Variants in USH2A observed in about 807,000 individuals in gnomAD.
USH2A encodes the protein Usher syndrome 2A (autosomal recessive, mild).
In USH2A, 443 loss-of-function variants were observed where a neutral mutation model predicts 538.9. The ratio of observed to expected loss-of-function variants is 0.82; its 90% CI spans 0.76 to 0.89. The LOEUF (loss-of-function observed/expected upper bound fraction) is 0.89. Among genes scored for constraint, USH2A ranks in the 40% least tolerant of loss-of-function variants. The pLI is 0.00. For synonymous variants in USH2A, 2,413 were observed against 2,273.5 expected (o/e 1.06, Z -1.75); for missense variants, 6,633 against 6,324.8 (o/e 1.05, Z -1.65).
At chr1:215,853,389 C>T (rs1429867030) in intron 44 of USH2A, among the ~76,000 whole-genome samples, 1 of 152,188 alleles carries the variant, frequency 6.6e-6, no homozygotes, top group African/African-American at 2.4e-5. Flanking sequence ...CTTTTTCCTC[C>T]TAGGCCTCTG....
chr1:215,798,344 T>G (rs540064186), intron 50 of USH2A, among the ~76,000 whole-genome samples: 1 of 152,320 alleles, frequency 6.6e-6, no homozygotes, highest in Admixed American at 6.5e-5. Flanking sequence ...GATCTGACTG[T>G]GTGGTATTTA....
chr1:216,120,866 A>G (rs1180131989), intron 21 of USH2A, among the ~76,000 whole-genome samples: 1 of 151,992 alleles, frequency 6.6e-6, no homozygotes, highest in Admixed American at 6.6e-5. Flanking sequence ...AGAAAAGCCA[A>G]AAAAAAGTAA....
intron 34 of USH2A, among the ~76,000 whole-genome samples, chr1:215,995,794 T>A (rs1668121132): frequency 6.6e-6 from 1 of 152,208 alleles, no homozygotes; most frequent in Admixed American, 6.5e-5. Flanking sequence ...CTTGAAATGA[T>A]GAGTAACATC....
At chr1:216,289,923 C>T (rs976862617) in intron 10 of USH2A, among the ~76,000 whole-genome samples, 1 of 151,800 alleles carries the variant, frequency 6.6e-6, no homozygotes, top group Non-Finnish European at 1.5e-5. Flanking sequence ...ATGTTAGTGG[C>T]CATTATTTTT....
At chr1:216,272,327 C>CT (rs1558356216) in intron 11 of USH2A, among the ~76,000 whole-genome samples, 1 of 151,962 alleles carries the variant, frequency 6.6e-6, no homozygotes, top group Non-Finnish European at 1.5e-5. Flanking sequence ...ATTGATGTCT[C>CT]TTTTTTAAAT....
chr1:216,176,577 A>T (rs2034387711), intron 20 of USH2A, among the ~76,000 whole-genome samples: 2 of 152,132 alleles, frequency 1.3e-5, no homozygotes, highest in African/African-American at 4.8e-5. Flanking sequence ...TTCAAAGTAC[A>T]TAGTTTCCAT....
chr1:216,340,544 A>T (rs2038057720), intron 4 of USH2A, among the ~76,000 whole-genome samples: 1 of 150,412 alleles, frequency 6.6e-6, no homozygotes, highest in South Asian at 2.1e-4. Flanking sequence ...GACAAAAAAA[A>T]AAAAAAGAAG....
intron 11 of USH2A, among the ~76,000 whole-genome samples, chr1:216,255,660 G>T (rs1037774214): frequency 2.6e-5 from 4 of 152,022 alleles, no homozygotes; most frequent in Non-Finnish European, 5.9e-5. Flanking sequence ...GATTTATTTT[G>T]GTAGATGTTT....
chr1:215,811,990 T>G (rs1662706068), intron 49 of USH2A, among the ~76,000 whole-genome samples: 2 of 137,120 alleles, frequency 1.5e-5, no homozygotes, highest in African/African-American at 2.7e-5. Context: ...GGTTTTTTTT[T>G]TTTTTTTTTT....
At chr1:215,836,535 T>TA (rs1663525896) in intron 47 of USH2A, among the ~76,000 whole-genome samples, 1 of 24,242 alleles carries the variant, frequency 4.1e-5, no homozygotes, top group Non-Finnish European at 7.0e-5. Context: ...ATTATATATA[T>TA]ATATATAATA....
At position 216,135,082 on chromosome 1, in the gene USH2A, A is replaced by T. The variant is rs80239282; in HGVS notation, c.4628-37869T>A. Among the ~76,000 whole-genome samples the T allele has an allele frequency of 6.3e-3, 953 of 151,844 alleles. 6 individuals carry two copies. Among genetic ancestry groups the T allele is most frequent in the Non-Finnish European group, 9.2e-3 (627 of 67,906 alleles). ...GGAGTAGCAGTTGTACACCACTGCT[A>T]CAGTTATGCAACAAAGGCAGTCTAC... On this transcript the variant is annotated intron_variant, in intron 21 of 71. Transcript: ENST00000307340.
chr1:215,780,080 G>T, intron 54 of USH2A, 39 bp from the exon 55 acceptor site: 4 of 1,602,538 alleles, frequency 2.5e-6, no homozygotes, highest in Non-Finnish European at 2.6e-6. Context: ...TATTGTAATA[G>T]TGCACTAGCT....
chr1:215,629,777 T>TCTTTTC (rs1199527247), intron 70 of USH2A, among the ~76,000 whole-genome samples: 3 of 146,468 alleles, frequency 2.0e-5, no homozygotes, highest in East Asian at 4.0e-4. Flanking sequence ...TCTTTTCTTT[T>TCTTTTC]TTTTTTTTTT....
At chr1:215,834,992 G>A (rs948378146) in intron 47 of USH2A, among the ~76,000 whole-genome samples, 18 of 150,790 alleles carry the variant, frequency 1.2e-4, no homozygotes, top group Admixed American at 3.3e-4. Context: ...TTTTCTCCTC[G>A]TTGGTTATTT....
chr1:216,027,861 T>C (rs1479545662), intron 32 of USH2A, among the ~76,000 whole-genome samples: 1 of 152,232 alleles, frequency 6.6e-6, no homozygotes, highest in Non-Finnish European at 1.5e-5. Context: ...CCACTGAATA[T>C]AGTTAATAGT....
At chr1:216,148,137 C>T (rs2033751548) in intron 21 of USH2A, among the ~76,000 whole-genome samples, 1 of 152,004 alleles carries the variant, frequency 6.6e-6, no homozygotes, top group South Asian at 2.1e-4. Flanking sequence ...GCTACCCACT[C>T]CACATTACCC....
At chr1:215,853,699 A>G (rs1571749645) in intron 44 of USH2A, among the ~76,000 whole-genome samples, 1 of 152,170 alleles carries the variant, frequency 6.6e-6, no homozygotes, top group Non-Finnish European at 1.5e-5. Context: ...TACCCTAAAT[A>G]ATCTCTCTCA....
chr1:216,280,456 G>T (rs1464022022), intron 11 of USH2A, among the ~76,000 whole-genome samples: 1 of 151,500 alleles, frequency 6.6e-6, no homozygotes, highest in African/African-American at 2.4e-5. Flanking sequence ...GACATAAATT[G>T]TATCCTACTC....
intron 26 of USH2A, among the ~76,000 whole-genome samples, chr1:216,079,445 T>C (rs886405524): frequency 6.6e-6 from 1 of 152,126 alleles, no homozygotes; most frequent in African/African-American, 2.4e-5. Flanking sequence ...TTTTAGAAAC[T>C]ATATAAGATT....
Sources: allele counts gnomAD v4.1 joint callset (sites outside exome capture counted in the v4.1 genomes callset), GRCh38; gene constraint gnomAD v4.1.1; transcripts MANE v1.5; gene names NCBI Gene and HGNC (gene_info 2026-07-23, HGNC 2026-07-21).